RASEF: variants seen among roughly 807,000 people sequenced by gnomAD.
The protein encoded by RASEF is ras and EF-hand domain-containing protein.
In RASEF, 68 loss-of-function variants were observed where a neutral mutation model predicts 90.1. The observed-to-expected ratio is 0.75, with a 90% CI of 0.62 to 0.92. The LOEUF (loss-of-function observed/expected upper bound fraction) is 0.92. RASEF is among the 40% of genes least tolerant of loss of function. The pLI, the probability that RASEF is intolerant of heterozygous loss-of-function variation, is 0.00. For missense variants in RASEF, 949 were observed against 937.2 expected, an observed-to-expected ratio of 1.01 and a Z score of -0.16; for synonymous variants, 331 against 345.2, an observed-to-expected ratio of 0.96 and a Z score of 0.46.
the RASEF span, among the ~76,000 whole-genome samples, chr9:83,090,939 G>A: frequency 5.6e-3 from 854 of 151,724 alleles, 11 homozygotes; most frequent in South Asian, 0.016. Context: ...TATCTCTCAC[G>A]TATGACCACT....
chr9:83,138,665 T>A, the RASEF span, among the ~76,000 whole-genome samples: 1 of 152,154 alleles, frequency 6.6e-6, no homozygotes, highest in Non-Finnish European at 1.5e-5. Flanking sequence ...TTGGCTATTT[T>A]CCTATTTGAA....
At chr9:83,022,931 T>C (rs1829469971) in intron 2 of RASEF, among the ~76,000 whole-genome samples, 1 of 152,242 alleles carries the variant, frequency 6.6e-6, no homozygotes, top group Admixed American at 6.5e-5. Flanking sequence ...GGTAATCCTT[T>C]ATTGACCAAA....
intron 6 of RASEF, among the ~76,000 whole-genome samples, 181 bp downstream of exon 6, chr9:83,009,460 T>C (rs910259622): frequency 6.6e-6 from 1 of 152,010 alleles, no homozygotes; most frequent in Admixed American, 6.5e-5. Flanking sequence ...TTCTATTTGC[T>C]TAAAAAATTA....
At chr9:83,047,985 G>T in intron 1 of RASEF, 1 of 339,432 alleles carries the variant, frequency 2.9e-6, no homozygotes, top group Non-Finnish European at 4.2e-6. Context: ...GTCAACATTT[G>T]GACCTGCATC....
At chr9:83,175,872 C>T in the RASEF span, among the ~76,000 whole-genome samples, 35 of 152,332 alleles carry the variant, frequency 2.3e-4, no homozygotes, top group Admixed American at 1.2e-3. Flanking sequence ...AGCCACCACA[C>T]CCGGCCTATT....
the RASEF span, among the ~76,000 whole-genome samples, chr9:83,117,128 G>A: frequency 1.3e-5 from 2 of 152,144 alleles, no homozygotes; most frequent in Non-Finnish European, 2.9e-5. Context: ...TCATGTTGGG[G>A]CCATCATTTG....
the RASEF span, among the ~76,000 whole-genome samples, chr9:83,119,172 AT>A: frequency 0.11 from 12,836 of 119,306 alleles, 807 homozygotes; most frequent in African/African-American, 0.24. Flanking sequence ...CATGCGGGCT[AT>A]TTTTTTTTTT....
upstream of RASEF, among the ~76,000 whole-genome samples, chr9:83,064,608 C>T (rs947418051): frequency 6.6e-6 from 1 of 152,130 alleles, no homozygotes; most frequent in African/African-American, 2.4e-5. Flanking sequence ...AAAATAGATG[C>T]TTTCATGTTT....
intron 4 of RASEF, among the ~76,000 whole-genome samples, chr9:83,014,870 C>T (rs964399294): frequency 4.1e-4 from 62 of 152,296 alleles, no homozygotes; most frequent in African/African-American, 1.4e-3. Flanking sequence ...TCCCTCCCTT[C>T]CCCTCCACCC....
chr9:83,155,263 T>C, the RASEF span, among the ~76,000 whole-genome samples: 11 of 152,276 alleles, frequency 7.2e-5, 2 homozygotes, highest in Admixed American at 6.5e-5. Context: ...TTCTTCTATC[T>C]GTGTTTGGGT....
At chr9:83,218,633 G>A in the RASEF span, among the ~76,000 whole-genome samples, 1 of 152,106 alleles carries the variant, frequency 6.6e-6, no homozygotes, top group African/African-American at 2.4e-5. Flanking sequence ...CTCCAGCCAG[G>A]TGTGTCTCTC....
intron 9 of RASEF, among the ~76,000 whole-genome samples, chr9:83,003,929 T>G (rs1043976866): frequency 2.6e-5 from 4 of 152,204 alleles, no homozygotes; most frequent in Non-Finnish European, 4.4e-5. Context: ...AAGTGATTAC[T>G]AGGTCTCAAG....
chr9:83,018,846 C>A (rs1261809934), intron 3 of RASEF, among the ~76,000 whole-genome samples: 2 of 151,922 alleles, frequency 1.3e-5, no homozygotes, highest in African/African-American at 4.8e-5. Flanking sequence ...ACAGAGAGCC[C>A]AGAAATAAAC....
chr9:83,027,765 A>G (rs1301314514), intron 1 of RASEF, among the ~76,000 whole-genome samples: 1 of 152,102 alleles, frequency 6.6e-6, no homozygotes, highest in Non-Finnish European at 1.5e-5. Context: ...TGAATAATAT[A>G]CCCTTTGTGT....
the RASEF span, among the ~76,000 whole-genome samples, chr9:83,135,261 A>T: frequency 1.2e-4 from 18 of 152,008 alleles, no homozygotes; most frequent in Non-Finnish European, 2.6e-4. Context: ...AAAACCAAAC[A>T]CTGCATGTTC....
At chr9:83,031,337 G>A (rs1009543774) in intron 1 of RASEF, among the ~76,000 whole-genome samples, 6 of 152,054 alleles carry the variant, frequency 3.9e-5, no homozygotes, top group African/African-American at 1.4e-4. Flanking sequence ...TTTTAGAAGG[G>A]AACAAAAGGC....
intron 1 of RASEF, 36 bp downstream of exon 1, chr9:83,062,401 C>A: frequency 6.2e-7 from 1 of 1,604,270 alleles, no homozygotes; most frequent in Non-Finnish European, 8.5e-7. Context: ...GCAGGAAGCG[C>A]CAGAATAACC....
intron 13 of RASEF, 93 bp from the exon 14 acceptor site, chr9:82,997,219 C>A: frequency 1.3e-6 from 1 of 791,482 alleles, no homozygotes; most frequent in Admixed American, 1.9e-5. Flanking sequence ...CTAAAATCAA[C>A]ACCAGTTGAG....
At chr9:83,157,715 G>T in the RASEF span, among the ~76,000 whole-genome samples, 1 of 152,056 alleles carries the variant, frequency 6.6e-6, no homozygotes, top group South Asian at 2.1e-4. Context: ...TTTAATTTCT[G>T]CAATAAATCT....
Sources: allele counts gnomAD v4.1 joint callset (sites outside exome capture counted in the v4.1 genomes callset), GRCh38; gene constraint gnomAD v4.1.1; transcripts MANE v1.5; gene names NCBI Gene and HGNC (gene_info 2026-07-23, HGNC 2026-07-21).